The following SMYD3 variants were observed in gnomAD, a reference collection of about 807,000 sequenced individuals.
The protein encoded by SMYD3 is histone-lysine N-methyltransferase SMYD3.
In SMYD3, 36 loss-of-function variants were observed where a neutral mutation model predicts 57.7. The ratio of observed to expected loss-of-function variants is 0.62; its 90% CI spans 0.48 to 0.82. The LOEUF (loss-of-function observed/expected upper bound fraction) is 0.82. Ranked by LOEUF, SMYD3 falls within the 40% of genes least tolerant of loss-of-function variation. The pLI, the probability that SMYD3 is intolerant of heterozygous loss-of-function variation, is 0.00. For synonymous variants in SMYD3, 211 were observed against 195.0 expected, an observed-to-expected ratio of 1.08 and a Z score of -0.68; for missense variants, 515 against 538.8, an observed-to-expected ratio of 0.96 and a Z score of 0.44.
chr1:245,871,403 A>G (rs1472654943), intron 8 of SMYD3, among the ~76,000 whole-genome samples: 1 of 152,206 alleles, frequency 6.6e-6, no homozygotes, highest in Non-Finnish European at 1.5e-5. Context: ...CTTGAGGGGA[A>G]AAGTGGCTCT....
intron 1 of SMYD3, among the ~76,000 whole-genome samples, chr1:246,495,495 C>A (rs539700610): frequency 1.3e-5 from 2 of 151,874 alleles, no homozygotes; most frequent in Non-Finnish European, 2.9e-5. Context: ...CGAGAACCAA[C>A]GAGTTACAAG....
intron 10 of SMYD3, among the ~76,000 whole-genome samples, chr1:245,765,063 C>A (rs2046016199): frequency 1.6e-5 from 2 of 122,696 alleles, no homozygotes; most frequent in African/African-American, 3.1e-5. Context: ...CACACACACA[C>A]ACACACACAC....
rs116280092 is a variant in SMYD3, at chr1:246,162,764, C to T, written c.531+164437G>A. 1.8e-3 allele frequency among the ~76,000 whole-genome samples: 268 copies of T among 152,244 alleles called. 1 individual carries two copies. Among genetic ancestry groups the T allele is most frequent in the African/African-American group, 5.4e-3 (225 of 41,548 alleles). On this transcript the variant is annotated intron_variant, in intron 5 of 11. Transcript: ENST00000490107. ...CTAGTGGTATGGTCAGGATTTCAAC[C>T]GTACCATATAACCTGCATAATGAAC...
chr1:246,441,135 T>C (rs973885667), intron 1 of SMYD3, among the ~76,000 whole-genome samples: 1 of 152,162 alleles, frequency 6.6e-6, no homozygotes, highest in Non-Finnish European at 1.5e-5. Flanking sequence ...GAAGAGGAGC[T>C]TTTTATCCAA....
intron 1 of SMYD3, among the ~76,000 whole-genome samples, chr1:246,485,613 C>CT (rs990533640): frequency 2.0e-4 from 31 of 151,680 alleles, no homozygotes; most frequent in South Asian, 2.1e-4. Flanking sequence ...GAGACCCCCC[C>CT]CCACATCTCT....
intron 1 of SMYD3, among the ~76,000 whole-genome samples, chr1:246,485,105 A>G (rs1484350013): frequency 6.6e-6 from 1 of 150,450 alleles, no homozygotes; most frequent in African/African-American, 2.4e-5. Context: ...CAACCAAAAT[A>G]CCTAAACTAC....
At chr1:246,142,622 G>C (rs2061775664) in intron 5 of SMYD3, among the ~76,000 whole-genome samples, 1 of 152,130 alleles carries the variant, frequency 6.6e-6, no homozygotes, top group Admixed American at 6.5e-5. Flanking sequence ...CGGGGGATAC[G>C]GGATTCCATC....
intron 5 of SMYD3, among the ~76,000 whole-genome samples, chr1:246,302,701 C>A (rs556310977): frequency 9.2e-5 from 14 of 152,216 alleles, no homozygotes; most frequent in African/African-American, 3.4e-4. Context: ...AAGAAAATTA[C>A]TGCGATGTGG....
chr1:246,324,957 T>C (rs1297709653), intron 5 of SMYD3, among the ~76,000 whole-genome samples: 5 of 138,352 alleles, frequency 3.6e-5, no homozygotes, highest in Non-Finnish European at 7.6e-5. Flanking sequence ...ATTTAGGATC[T>C]TTCATGAACA....
intron 5 of SMYD3, among the ~76,000 whole-genome samples, chr1:246,103,569 T>C (rs1010679498): frequency 6.6e-6 from 1 of 152,180 alleles, no homozygotes; most frequent in Admixed American, 6.5e-5. Context: ...GCCACTGCTA[T>C]AGTTGAGGTC....
chr1:245,833,073 A>AAAAAAAAAACACAAC lies in SMYD3; in HGVS notation c.1076+25422_1076+25423insGTTGTGTTTTTTTTT. Among the ~76,000 whole-genome samples, 907 of 128,534 alleles carry AAAAAAAAAACACAAC rather than the reference A, an allele frequency of 7.1e-3. 34 individuals are homozygous for AAAAAAAAAACACAAC. The highest frequency in any genetic ancestry group is 0.01 in the Non-Finnish European group (662 of 63,164). 84.3% of individuals were successfully genotyped at this position (128,534 alleles called of 152,430 possible). On this transcript the variant is annotated intron_variant, in intron 10 of 11. Coordinates refer to ENST00000490107, the MANE Select transcript of SMYD3 (RefSeq NM_001167740.2). The stretch of plus-strand genomic sequence containing the variant: ...GGAATATGTGACAAAAAAAAAAAAA[A>AAAAAAAAAACACAAC]AACCTGCTTTTATAATGCTGATTCA...
intron 10 of SMYD3, among the ~76,000 whole-genome samples, chr1:245,849,565 T>C (rs1259245358): frequency 1.3e-5 from 2 of 152,202 alleles, no homozygotes; most frequent in African/African-American, 4.8e-5. Flanking sequence ...TGGGCCTCTC[T>C]AAGGTGGTAA....
intron 5 of SMYD3, among the ~76,000 whole-genome samples, chr1:246,213,304 A>T (rs1475501108): frequency 6.6e-6 from 1 of 152,140 alleles, no homozygotes; most frequent in Non-Finnish European, 1.5e-5. Flanking sequence ...GTATGTTAAT[A>T]CCTGCATTAT....
chr1:246,280,555 C>A (rs375177591), intron 5 of SMYD3, among the ~76,000 whole-genome samples: 22 of 152,116 alleles, frequency 1.4e-4, no homozygotes, highest in African/African-American at 4.8e-4. Flanking sequence ...CCCAGGCGTT[C>A]GAGTCCAGCC....
chr1:245,954,240 A>G (rs1013064708), intron 5 of SMYD3, among the ~76,000 whole-genome samples: 2 of 152,216 alleles, frequency 1.3e-5, no homozygotes, highest in African/African-American at 4.8e-5. Context: ...CAAGCGTTTT[A>G]AAGATGCTAG....
At chr1:246,275,868 G>A (rs1051566116) in intron 5 of SMYD3, among the ~76,000 whole-genome samples, 5 of 151,026 alleles carry the variant, frequency 3.3e-5, no homozygotes, top group Admixed American at 6.6e-5. Context: ...TTTTTTACTA[G>A]CCGTATTAAC....
chr1:246,421,720 C>G (rs956668468), intron 1 of SMYD3, among the ~76,000 whole-genome samples: 1 of 152,040 alleles, frequency 6.6e-6, no homozygotes, highest in African/African-American at 2.4e-5. Flanking sequence ...TCAGAAAGGC[C>G]TACAGCTGAG....
At chr1:245,777,872 T>C (rs1267491797) in intron 10 of SMYD3, among the ~76,000 whole-genome samples, 1 of 152,074 alleles carries the variant, frequency 6.6e-6, no homozygotes, top group Non-Finnish European at 1.5e-5. Context: ...CCAACTACTC[T>C]CAGAACAAAA....
intron 10 of SMYD3, among the ~76,000 whole-genome samples, chr1:245,800,213 C>T (rs147532663): frequency 5.9e-5 from 9 of 152,226 alleles, no homozygotes; most frequent in African/African-American, 1.7e-4. Flanking sequence ...CCAGCCCCTC[C>T]GGTAGTTCAC....
Sources: allele counts gnomAD v4.1 joint callset (sites outside exome capture counted in the v4.1 genomes callset), GRCh38; gene constraint gnomAD v4.1.1; transcripts MANE v1.5; gene names NCBI Gene and HGNC (gene_info 2026-07-23, HGNC 2026-07-21).